Variants in ACOXL observed in about 807,000 individuals in gnomAD.
ACOXL encodes acyl-CoA oxidase like.
A neutral mutation model predicts 71.9 loss-of-function variants in ACOXL; 70 were observed. That is an observed-to-expected ratio of 0.97 (90% CI 0.80 to 1.19). ACOXL has a LOEUF of 1.19. Ranked by LOEUF, ACOXL falls within the 50% of genes most tolerant of loss-of-function variation. The pLI is 0.00. For synonymous variants in ACOXL, 253 were observed against 281.6 expected (o/e 0.90, Z 1.02); for missense variants, 703 against 736.3 (o/e 0.95, Z 0.52).
chr2:110,860,064 G>A (rs995079603), intron 10 of ACOXL, among the ~76,000 whole-genome samples: 6 of 152,168 alleles, frequency 3.9e-5, no homozygotes, highest in Non-Finnish European at 7.3e-5. Context: ...CTTTTATCCA[G>A]TATAAGATTT....
chr2:111,081,105 C>G (rs2067891275), intron 16 of ACOXL, among the ~76,000 whole-genome samples: 1 of 152,102 alleles, frequency 6.6e-6, no homozygotes, highest in Non-Finnish European at 1.5e-5. Context: ...CTTTGAAAAC[C>G]AGCACAAGCC....
At chr2:110,932,888 A>G (rs2060527573) in intron 11 of ACOXL, among the ~76,000 whole-genome samples, 1 of 152,182 alleles carries the variant, frequency 6.6e-6, no homozygotes. Context: ...GGTTGCACGT[A>G]TGGTCATGGT....
Position 110,901,674 on chromosome 2 carries a change from A to G in ACOXL, c.789-7115A>G, listed in dbSNP as rs537523394. 2.5e-3 allele frequency among the ~76,000 whole-genome samples: 371 copies of G among 149,824 alleles called. 3 individuals carry two copies. Among genetic ancestry groups the G allele is most frequent in the African/African-American group, 8.0e-3 (322 of 40,052 alleles). On this transcript the variant is annotated intron_variant, in intron 10 of 17. Transcript: ENST00000439055. ...CACACACACACACACACACACACAC[A>G]TATACACTCACTTACACACACACAG...
chr2:111,106,584 T>C (rs532628765), intron 17 of ACOXL, among the ~76,000 whole-genome samples: 1 of 152,350 alleles, frequency 6.6e-6, no homozygotes, highest in Non-Finnish European at 1.5e-5. Context: ...TGGTTCTTGA[T>C]AGGAAGTGAC....
chr2:110,745,771 A>G (rs1441118069), intron 1 of ACOXL, among the ~76,000 whole-genome samples: 2 of 152,240 alleles, frequency 1.3e-5, no homozygotes, highest in Non-Finnish European at 2.9e-5. Flanking sequence ...AGTGTCATCA[A>G]TACCCATTCC....
chr2:110,993,263 A>G (rs1456999980), intron 13 of ACOXL, among the ~76,000 whole-genome samples: 1 of 152,138 alleles, frequency 6.6e-6, no homozygotes, highest in Non-Finnish European at 1.5e-5. Flanking sequence ...ACAGATCATC[A>G]CTCCAGAAAG....
At chr2:110,762,862 GC>G (rs1017842189) in intron 1 of ACOXL, among the ~76,000 whole-genome samples, 1 of 151,986 alleles carries the variant, frequency 6.6e-6, no homozygotes, top group African/African-American at 2.4e-5. Flanking sequence ...TTGCCACATT[GC>G]CCAGGCTGGT....
intron 7 of ACOXL, among the ~76,000 whole-genome samples, chr2:110,800,981 G>C (rs1311134387): frequency 6.6e-6 from 1 of 152,174 alleles, no homozygotes; most frequent in Non-Finnish European, 1.5e-5. Context: ...GTCAAGGGGT[G>C]AAGTTCTAAA....
intron 10 of ACOXL, among the ~76,000 whole-genome samples, chr2:110,853,017 A>G (rs1263296561): frequency 1.3e-5 from 2 of 152,074 alleles, no homozygotes; most frequent in East Asian, 1.9e-4. Flanking sequence ...GGTCCATACA[A>G]TGTTCCTCCT....
chr2:110,889,944 C>A (rs1697751509), intron 10 of ACOXL, among the ~76,000 whole-genome samples: 1 of 152,168 alleles, frequency 6.6e-6, no homozygotes, highest in Non-Finnish European at 1.5e-5. Context: ...GTATGTATTT[C>A]AATTTCTCCA....
chr2:110,999,318 A>C (rs2063523111), intron 14 of ACOXL, among the ~76,000 whole-genome samples: 1 of 152,076 alleles, frequency 6.6e-6, no homozygotes, highest in Admixed American at 6.6e-5. Flanking sequence ...TAACTGAATC[A>C]CCTCTTTCAA....
intron 9 of ACOXL, among the ~76,000 whole-genome samples, chr2:110,820,638 CAGA>C (rs1331167871): frequency 6.6e-6 from 1 of 152,130 alleles, no homozygotes; most frequent in Non-Finnish European, 1.5e-5. Context: ...GGAGAGAGGA[CAGA>C]AGAAGAAGGC....
intron 9 of ACOXL, among the ~76,000 whole-genome samples, chr2:110,834,348 G>T (rs1251582487): frequency 6.6e-6 from 1 of 152,222 alleles, no homozygotes; most frequent in African/African-American, 2.4e-5. Flanking sequence ...AAAACACCGT[G>T]TGTGGTTTAT....
chr2:110,778,031 T>C (rs969232128), intron 2 of ACOXL, among the ~76,000 whole-genome samples: 1 of 152,150 alleles, frequency 6.6e-6, no homozygotes, highest in Non-Finnish European at 1.5e-5. Context: ...TTTTGTGCAG[T>C]TGGAGAAGGC....
At chr2:110,860,073 T>G (rs1693757265) in intron 10 of ACOXL, among the ~76,000 whole-genome samples, 1 of 152,200 alleles carries the variant, frequency 6.6e-6, no homozygotes, top group Non-Finnish European at 1.5e-5. Flanking sequence ...AGTATAAGAT[T>G]TCCATTTGTG....
At chr2:110,817,042 C>T (rs898685844) in intron 9 of ACOXL, among the ~76,000 whole-genome samples, 4 of 152,212 alleles carry the variant, frequency 2.6e-5, no homozygotes, top group Non-Finnish European at 4.4e-5. Context: ...CCCTTAGCTA[C>T]GAAAGGGCAG....
intron 11 of ACOXL, among the ~76,000 whole-genome samples, chr2:110,918,865 G>A (rs1304417238): frequency 6.6e-6 from 1 of 152,116 alleles, no homozygotes; most frequent in Non-Finnish European, 1.5e-5. Context: ...ACCATCTCAC[G>A]CCAGTTAGAA....
intron 14 of ACOXL, among the ~76,000 whole-genome samples, chr2:111,021,841 A>G (rs1472417344): frequency 6.6e-6 from 1 of 152,126 alleles, no homozygotes; most frequent in Non-Finnish European, 1.5e-5. Context: ...AATAAAAACG[A>G]GATCTGTTTC....
intron 15 of ACOXL, among the ~76,000 whole-genome samples, chr2:111,037,817 A>G (rs1430243335): frequency 1.3e-5 from 2 of 152,064 alleles, no homozygotes; most frequent in African/African-American, 4.8e-5. Flanking sequence ...AACCCCATCC[A>G]CCGCACTCTT....
Sources: gnomAD v4.1 joint callset for allele counts (sites outside exome capture counted in the v4.1 genomes callset) on GRCh38, gnomAD v4.1.1 for gene constraint, MANE v1.5 for transcripts, NCBI Gene and HGNC (gene_info 2026-07-23, HGNC 2026-07-21) for gene names.